The following PHF24 variants were observed in gnomAD, a reference collection of about 807,000 sequenced individuals.
PHF24 encodes Galpha inhibitory interacting protein.
A neutral mutation model predicts 42.6 loss-of-function variants in PHF24; 25 were observed. The ratio of observed to expected loss-of-function variants is 0.59; its 90% CI spans 0.43 to 0.82. PHF24 has a LOEUF of 0.82. Among genes scored for constraint, PHF24 ranks in the 40% least tolerant of loss-of-function variants. The pLI is 0.00. For missense variants in PHF24, 470 were observed against 538.1 expected (o/e 0.87, Z 1.25); for synonymous variants, 185 against 204.8 (o/e 0.90, Z 0.83).
chr9:34,806,003 G>T, the PHF24 span, among the ~76,000 whole-genome samples: 2 of 152,128 alleles, frequency 1.3e-5, no homozygotes, highest in Non-Finnish European at 2.9e-5. Flanking sequence ...GATCTTGGTA[G>T]CCTTGTTGAA....
At chr9:34,724,103 C>T in the PHF24 span, 20 of 1,528,284 alleles carry the variant, frequency 1.3e-5, no homozygotes, top group South Asian at 1.9e-4. Context: ...CTCTCTGTTT[C>T]CTGCTAGCAT....
chr9:34,785,654 T>G, the PHF24 span, among the ~76,000 whole-genome samples: 1 of 152,190 alleles, frequency 6.6e-6, no homozygotes, highest in East Asian at 1.9e-4. Flanking sequence ...AGTATGGAGC[T>G]TCTAGGCTTA....
At chr9:34,679,399 T>C in the PHF24 span, among the ~76,000 whole-genome samples, 2 of 152,216 alleles carry the variant, frequency 1.3e-5, no homozygotes, top group Non-Finnish European at 2.9e-5. Context: ...GCTGGGTATA[T>C]ATGATTCTGC....
the PHF24 span, among the ~76,000 whole-genome samples, chr9:34,718,144 CT>C: frequency 5.3e-5 from 8 of 152,252 alleles, no homozygotes. Flanking sequence ...GGACCTGCCC[CT>C]GTGGCCTTTG....
the PHF24 span, among the ~76,000 whole-genome samples, chr9:34,769,233 A>G: frequency 5.3e-5 from 8 of 152,112 alleles, no homozygotes; most frequent in Non-Finnish European, 1.0e-4. Flanking sequence ...TTCCTGCCTC[A>G]GCCTCCCTAG....
chr9:34,670,946 A>G, the PHF24 span, among the ~76,000 whole-genome samples: 1 of 152,154 alleles, frequency 6.6e-6, no homozygotes, highest in Non-Finnish European at 1.5e-5. Context: ...GTGCCTATAT[A>G]TCCACCATCT....
chr9:34,896,095 A>G, the PHF24 span, among the ~76,000 whole-genome samples: 1 of 152,130 alleles, frequency 6.6e-6, no homozygotes, highest in East Asian at 1.9e-4. Context: ...CCTGACACCT[A>G]GTGTGCATAT....
chr9:34,915,727 A>G, the PHF24 span, among the ~76,000 whole-genome samples: 1 of 152,150 alleles, frequency 6.6e-6, no homozygotes, highest in Non-Finnish European at 1.5e-5. Context: ...TCTTTGACAA[A>G]CAGAATTGTG....
the PHF24 span, among the ~76,000 whole-genome samples, chr9:34,876,239 T>C: frequency 6.6e-6 from 1 of 152,092 alleles, no homozygotes; most frequent in South Asian, 2.1e-4. Flanking sequence ...TGCCAAAACT[T>C]GGAAGCAACC....
exon 8 of PHF24, chr9:34,978,342 A>C (rs977784529): frequency 3.6e-6 from 2 of 556,258 alleles, no homozygotes; most frequent in Non-Finnish European, 6.5e-6. Context: ...CCTCTCCTGG[A>C]CCGCCCCTGC....
the PHF24 span, among the ~76,000 whole-genome samples, chr9:34,737,367 T>G: frequency 6.6e-6 from 1 of 152,208 alleles, no homozygotes; most frequent in African/African-American, 2.4e-5. Context: ...GTGGAACCTA[T>G]TACTACTTTA....
chr9:34,882,256 G>C, the PHF24 span, among the ~76,000 whole-genome samples: 2 of 151,742 alleles, frequency 1.3e-5, no homozygotes, highest in East Asian at 1.9e-4. Context: ...AGCCAATATC[G>C]TACTGAATGG....
the PHF24 span, chr9:34,837,463 C>T: frequency 1.8e-6 from 1 of 547,712 alleles, no homozygotes; most frequent in South Asian, 2.1e-5. Flanking sequence ...TTCTTTATTC[C>T]CATGGGAATA....
the PHF24 span, among the ~76,000 whole-genome samples, chr9:34,738,799 C>G: frequency 1.3e-5 from 2 of 152,148 alleles, no homozygotes; most frequent in African/African-American, 2.4e-5. Flanking sequence ...GCTTATGCTC[C>G]CTTGCTTCCT....
the PHF24 span, chr9:34,835,575 TG>T: frequency 6.4e-7 from 1 of 1,551,654 alleles, no homozygotes; most frequent in African/African-American, 1.4e-5. Flanking sequence ...TGGACAAGGC[TG>T]GGGTTGCTCT....
At chr9:34,883,340 C>T in the PHF24 span, among the ~76,000 whole-genome samples, 1 of 152,146 alleles carries the variant, frequency 6.6e-6, no homozygotes. Context: ...AAAGCAATAG[C>T]AACAAAAGCC....
chr9:34,736,906 T>C, the PHF24 span, among the ~76,000 whole-genome samples: 1 of 152,222 alleles, frequency 6.6e-6, no homozygotes, highest in Non-Finnish European at 1.5e-5. Context: ...GCAAATGATA[T>C]ATTTCAAAAA....
At chr9:34,811,923 TAAAG>T in the PHF24 span, among the ~76,000 whole-genome samples, 10 of 152,292 alleles carry the variant, frequency 6.6e-5, no homozygotes, top group African/African-American at 2.4e-4. Flanking sequence ...CCAGTATATA[TAAAG>T]AACCCTACAA....
At chr9:34,899,201 G>C in the PHF24 span, among the ~76,000 whole-genome samples, 1 of 152,194 alleles carries the variant, frequency 6.6e-6, no homozygotes, top group African/African-American at 2.4e-5. Flanking sequence ...CAGCAAACGA[G>C]GGAGATGAAC....
Sources: allele counts gnomAD v4.1 joint callset (sites outside exome capture counted in the v4.1 genomes callset), GRCh38; gene constraint gnomAD v4.1.1; transcripts MANE v1.5; gene names NCBI Gene and HGNC (gene_info 2026-07-23, HGNC 2026-07-21).